The following CAMK2D variants were observed in gnomAD, a reference collection of about 807,000 sequenced individuals.
The protein encoded by CAMK2D is calcium/calmodulin dependent protein kinase II delta, also known as calcium/calmodulin-dependent protein kinase type II subunit delta.
A neutral mutation model predicts 84.0 loss-of-function variants in CAMK2D; 37 were observed. That is an observed-to-expected ratio of 0.44 (90% confidence interval 0.34 to 0.58). CAMK2D has a LOEUF of 0.58. Among genes scored for constraint, CAMK2D ranks in the 20% least tolerant of loss-of-function variants. The probability of loss-of-function intolerance (pLI) is 0.02; values close to 1 mark genes in which losing one functional copy is unlikely to be tolerated. For missense variants in CAMK2D, 448 were observed against 652.5 expected (o/e 0.69, Z 3.41); for synonymous variants, 202 against 212.5 (o/e 0.95, Z 0.43).
At chr4:113,647,383 C>T (rs2099156239) in intron 3 of CAMK2D, among the ~76,000 whole-genome samples, 2 of 152,216 alleles carry the variant, frequency 1.3e-5, no homozygotes, top group Admixed American at 6.5e-5. Flanking sequence ...AGAAGATGCA[C>T]TGCCTACTTT....
chr4:113,505,264 G>C (rs566415354), intron 13 of CAMK2D, among the ~76,000 whole-genome samples: 1 of 152,350 alleles, frequency 6.6e-6, no homozygotes, highest in African/African-American at 2.4e-5. Flanking sequence ...AGACGTGTCT[G>C]CTGTTGCTAT....
At chr4:113,576,187 T>C (rs898427205) in intron 4 of CAMK2D, among the ~76,000 whole-genome samples, 2 of 152,058 alleles carry the variant, frequency 1.3e-5, no homozygotes, top group Admixed American at 1.3e-4. Context: ...AGAAATGAGC[T>C]GCCACGCCTG....
chr4:113,480,584 T>A (rs2097690000), intron 16 of CAMK2D, among the ~76,000 whole-genome samples: 1 of 152,072 alleles, frequency 6.6e-6, no homozygotes, highest in African/African-American at 2.4e-5. Flanking sequence ...CTCACATCTG[T>A]AATCCCAGCA....
At chr4:113,682,470 T>C (rs1385124241) in intron 2 of CAMK2D, among the ~76,000 whole-genome samples, 1 of 152,020 alleles carries the variant, frequency 6.6e-6, no homozygotes, top group Non-Finnish European at 1.5e-5. Context: ...TTTCCAAAAT[T>C]TATAATGAGG....
At chr4:113,754,537 C>T (rs2099624063) in intron 2 of CAMK2D, 1 of 968,374 alleles carries the variant, frequency 1.0e-6, no homozygotes, top group African/African-American at 1.8e-5. Flanking sequence ...ATCTAATTGT[C>T]TAAACAAAGT....
Position 113,502,818 on chromosome 4 carries a change from T to C in CAMK2D, c.1086+118A>G, listed in dbSNP as rs546217696. The C allele has an allele frequency of 3.5e-5, 25 of 721,286 alleles. No individual in the cohort carries two copies. In the East Asian group the frequency reaches 6.3e-4, roughly 18 times the overall value. 44.7% of individuals were successfully genotyped at this position (721,286 alleles called of 1,614,324 possible). Reference sequence around the variant, plus strand: ...GATAAATTAGGCCCAAAAGGAAGTGTGGTAGAAAATGGTTAGAATTTTCTT... The same window carrying C: ...GATAAATTAGGCCCAAAAGGAAGTGCGGTAGAAAATGGTTAGAATTTTCTT... On this transcript the variant is annotated intron_variant, in intron 15 of 20. Transcript: ENST00000511664.
At chr4:113,517,122 A>G (rs917523811) in intron 9 of CAMK2D, among the ~76,000 whole-genome samples, 2 of 152,044 alleles carry the variant, frequency 1.3e-5, no homozygotes, top group African/African-American at 2.4e-5. Flanking sequence ...CAAAAACAAA[A>G]AACAAAACCC....
At chr4:113,508,225 T>G (rs745401608) in intron 13 of CAMK2D, 2 of 1,539,038 alleles carry the variant, frequency 1.3e-6, no homozygotes, top group East Asian at 2.4e-5. Flanking sequence ...ATCTGGCAGA[T>G]AGATCCTCAC....
chr4:113,499,712 C>G (rs1037995848), intron 16 of CAMK2D, among the ~76,000 whole-genome samples: 2 of 152,116 alleles, frequency 1.3e-5, no homozygotes, highest in Non-Finnish European at 2.9e-5. Context: ...GTCAGAATAT[C>G]TTCTAGACAA....
Position 113,451,564 on chromosome 4 carries a change from G to T in CAMK2D, c.*2981C>A, listed in dbSNP as rs1236305590. The stretch of plus-strand genomic sequence containing the variant: ...TCAGAGCATCAAGACAGTGGTGAGA[G>T]AACCCATCATTAAAACAAGGACTAT... On this transcript the variant is annotated 3_prime_UTR_variant, in exon 21 of 21. Transcript: ENST00000511664. The T allele has an allele frequency of 6.6e-6, 1 of 152,130 alleles. No homozygotes were observed. The highest frequency in any genetic ancestry group is 2.1e-4 in the South Asian group (1 of 4,822). The allele number at this position is 152,130 out of a possible 1,614,324, so 9.4% of individuals were successfully genotyped here.
intron 4 of CAMK2D, among the ~76,000 whole-genome samples, chr4:113,573,547 G>A (rs950395685): frequency 2.2e-4 from 34 of 152,182 alleles, no homozygotes; most frequent in African/African-American, 8.0e-4. Context: ...AAGAGGCAAG[G>A]AAATACCAAA....
At chr4:113,462,298 G>GTCTT in intron 17 of CAMK2D, among the ~76,000 whole-genome samples, 1 of 113,740 alleles carries the variant, frequency 8.8e-6, no homozygotes, top group Non-Finnish European at 2.0e-5. Context: ...GTGTGTGTCT[G>GTCTT]TCTGTCTGTC....
chr4:113,599,691 G>A lies in CAMK2D; in HGVS notation c.275+9461C>T, dbSNP rs78140782. Among the ~76,000 whole-genome samples, 85 of 152,292 alleles carry A rather than the reference G, an allele frequency of 5.6e-4. 2 individuals carry two copies. In the East Asian group the frequency reaches 0.016, roughly 29 times the overall value. On this transcript the variant is annotated intron_variant, in intron 4 of 20. Transcript: ENST00000511664. The stretch of plus-strand genomic sequence containing the variant: ...GACTGGAAGCCTGAAGGATAACAGA[G>A]TTGATTAACACATATTTTGTATGTT...
intron 4 of CAMK2D, among the ~76,000 whole-genome samples, chr4:113,585,736 T>C (rs1300987073): frequency 2.6e-5 from 2 of 76,810 alleles, no homozygotes; most frequent in Non-Finnish European, 6.0e-5. Context: ...AGATAGTATA[T>C]AGTACAGTAT....
chr4:113,759,612 G>T (rs933790409), intron 1 of CAMK2D, among the ~76,000 whole-genome samples, 198 bp from the exon 2 acceptor site: 1 of 152,132 alleles, frequency 6.6e-6, no homozygotes, highest in Non-Finnish European at 1.5e-5. Flanking sequence ...TTAACTGGGA[G>T]CACACATTAT....
chr4:113,482,338 A>T (rs1233027242), intron 16 of CAMK2D, among the ~76,000 whole-genome samples: 1 of 152,236 alleles, frequency 6.6e-6, no homozygotes, highest in Non-Finnish European at 1.5e-5. Flanking sequence ...GTGGGGTATA[A>T]GCAAAACTAA....
intron 12 of CAMK2D, among the ~76,000 whole-genome samples, chr4:113,511,061 T>G (rs1233871198): frequency 1.3e-5 from 2 of 152,114 alleles, no homozygotes; most frequent in Non-Finnish European, 2.9e-5. Flanking sequence ...GGATTTGGCC[T>G]GGGAGATGCA....
chr4:113,513,174 C>A, intron 12 of CAMK2D, 154 bp downstream of exon 12: 1 of 985,028 alleles, frequency 1.0e-6, no homozygotes, highest in Non-Finnish European at 1.2e-6. Flanking sequence ...TAATGGCAGC[C>A]ATAGGTGTAG....
chr4:113,723,416 GT>G (rs1207756595), intron 2 of CAMK2D, among the ~76,000 whole-genome samples: 1 of 151,964 alleles, frequency 6.6e-6, no homozygotes, highest in East Asian at 1.9e-4. Context: ...TAGATACGGG[GT>G]TTCATCATGT....
Sources: gnomAD v4.1 joint callset for allele counts (sites outside exome capture counted in the v4.1 genomes callset) on GRCh38, gnomAD v4.1.1 for gene constraint, MANE v1.5 for transcripts, NCBI Gene and HGNC (gene_info 2026-07-23, HGNC 2026-07-21) for gene names.